Variants in BRINP3 observed in about 807,000 individuals in gnomAD.
The protein encoded by BRINP3 is BMP/retinoic acid inducible neural specific 3.
BRINP3 carries 19 observed loss-of-function variants against 71.0 expected under a neutral mutation model. That is an observed-to-expected ratio of 0.27 (90% CI 0.19 to 0.39). The LOEUF is 0.39. Among genes scored for constraint, BRINP3 ranks in the 10% least tolerant of loss-of-function variants. The pLI, the probability that BRINP3 is intolerant of heterozygous loss-of-function variation, is 1.00. For missense variants in BRINP3, 959 were observed against 940.8 expected, an observed-to-expected ratio of 1.02 and a Z score of -0.25; for synonymous variants, 380 against 337.7, an observed-to-expected ratio of 1.13 and a Z score of -1.37.
chr1:190,287,773 G>T (rs867883183), intron 2 of BRINP3, among the ~76,000 whole-genome samples: 1 of 152,032 alleles, frequency 6.6e-6, no homozygotes, highest in Non-Finnish European at 1.5e-5. Flanking sequence ...AGATGAAGGT[G>T]GGGCTATTGA....
chr1:190,153,509 T>C (rs979857034), intron 7 of BRINP3, among the ~76,000 whole-genome samples: 6 of 152,110 alleles, frequency 3.9e-5, no homozygotes, highest in African/African-American at 1.4e-4. Context: ...TTACTGAGTA[T>C]GTGCTTGTGA....
chr1:190,157,494 TA>T (rs1286678568), intron 7 of BRINP3, among the ~76,000 whole-genome samples: 2 of 152,008 alleles, frequency 1.3e-5, no homozygotes, highest in Non-Finnish European at 1.5e-5. Context: ...ATGTACTAGT[TA>T]AAAAGAACCC....
intron 6 of BRINP3, among the ~76,000 whole-genome samples, chr1:190,178,950 T>A (rs556449061): frequency 1.3e-5 from 2 of 152,212 alleles, no homozygotes; most frequent in South Asian, 4.1e-4. Flanking sequence ...TTGGTAGAAA[T>A]AACAATATAT....
intron 2 of BRINP3, among the ~76,000 whole-genome samples, chr1:190,390,637 G>A (rs935181139): frequency 6.6e-6 from 1 of 151,712 alleles, no homozygotes; most frequent in Non-Finnish European, 1.5e-5. Flanking sequence ...TCACACAGGA[G>A]GAAGAGAAAA....
intron 6 of BRINP3, among the ~76,000 whole-genome samples, chr1:190,180,965 T>C (rs918832462): frequency 2.6e-5 from 4 of 152,082 alleles, no homozygotes; most frequent in African/African-American, 4.8e-5. Context: ...GCATAATTTA[T>C]GTGTATAGTT....
chr1:190,265,434 G>A (rs573220626), intron 3 of BRINP3, among the ~76,000 whole-genome samples: 60 of 151,948 alleles, frequency 3.9e-4, no homozygotes, highest in African/African-American at 1.4e-3. Context: ...GGGCACGGTG[G>A]CTCACGCCTG....
chr1:190,401,999 A>G (rs1296983939), intron 2 of BRINP3, among the ~76,000 whole-genome samples: 1 of 151,962 alleles, frequency 6.6e-6, no homozygotes, highest in East Asian at 1.9e-4. Context: ...AACTATATAT[A>G]TATTTCATTA....
chr1:190,108,578 A>T (rs926219369), intron 7 of BRINP3, among the ~76,000 whole-genome samples: 1 of 150,260 alleles, frequency 6.7e-6, no homozygotes, highest in Non-Finnish European at 1.5e-5. Context: ...AATGTATAAA[A>T]TGACTGTTCT....
At chr1:190,459,916 C>T (rs980294601) in intron 1 of BRINP3, among the ~76,000 whole-genome samples, 7 of 151,456 alleles carry the variant, frequency 4.6e-5, no homozygotes, top group African/African-American at 1.5e-4. Flanking sequence ...TTTTTTCTAC[C>T]ATATTATCAC....
intron 1 of BRINP3, among the ~76,000 whole-genome samples, chr1:190,458,615 T>C (rs1384029600): frequency 6.6e-6 from 1 of 152,074 alleles, no homozygotes; most frequent in Non-Finnish European, 1.5e-5. Flanking sequence ...GTTATAACCA[T>C]ATTAATCCAT....
At chr1:190,118,400 A>C (rs1290262193) in intron 7 of BRINP3, among the ~76,000 whole-genome samples, 2 of 152,162 alleles carry the variant, frequency 1.3e-5, no homozygotes, top group Non-Finnish European at 2.9e-5. Flanking sequence ...ATTTTTAATA[A>C]ATAAATGTTT....
chr1:190,416,831 C>T (rs533969425), intron 2 of BRINP3, among the ~76,000 whole-genome samples: 20 of 152,142 alleles, frequency 1.3e-4, no homozygotes, highest in East Asian at 5.8e-4. Context: ...ACTCCAGAAC[C>T]GGAGTCTTTA....
chr1:190,327,845 T>A (rs571099934), intron 2 of BRINP3, among the ~76,000 whole-genome samples: 2 of 152,224 alleles, frequency 1.3e-5, no homozygotes, highest in African/African-American at 4.8e-5. Flanking sequence ...AACCACAGAA[T>A]ACACATTCTT....
At chr1:190,231,151 A>G (rs1657950200) in intron 5 of BRINP3, among the ~76,000 whole-genome samples, 1 of 151,746 alleles carries the variant, frequency 6.6e-6, no homozygotes, top group Admixed American at 6.6e-5. Context: ...GCTTTTTGAA[A>G]ACACATGGCT....
intron 2 of BRINP3, among the ~76,000 whole-genome samples, chr1:190,290,507 T>C (rs932381651): frequency 1.3e-5 from 2 of 152,268 alleles, no homozygotes; most frequent in South Asian, 4.1e-4. Flanking sequence ...TCCTATAAAC[T>C]TTAAAATGTA....
chr1:190,148,659 T>A (rs766652027), intron 7 of BRINP3, among the ~76,000 whole-genome samples: 19 of 151,208 alleles, frequency 1.3e-4, no homozygotes, highest in Non-Finnish European at 2.2e-4. Context: ...AAATTCTATC[T>A]CCTCATTCTT....
At chr1:190,435,496 C>G (rs1050044478) in intron 2 of BRINP3, among the ~76,000 whole-genome samples, 1 of 151,456 alleles carries the variant, frequency 6.6e-6, no homozygotes, top group South Asian at 2.1e-4. Flanking sequence ...AATAAGTGAA[C>G]AAATTAGGAA....
chr1:190,190,913 A>G (rs988102053), intron 6 of BRINP3, among the ~76,000 whole-genome samples: 3 of 152,176 alleles, frequency 2.0e-5, no homozygotes, highest in Non-Finnish European at 4.4e-5. Flanking sequence ...AATCTTTTAC[A>G]TATCAACTTC....
At chr1:190,476,417 C>G (rs184210390) in intron 1 of BRINP3, among the ~76,000 whole-genome samples, 61 of 152,146 alleles carry the variant, frequency 4.0e-4, no homozygotes, top group Non-Finnish European at 6.5e-4. Context: ...CCGATACATG[C>G]AGGTTTGGCA....
Sources: allele counts gnomAD v4.1 joint callset (sites outside exome capture counted in the v4.1 genomes callset), GRCh38; gene constraint gnomAD v4.1.1; transcripts MANE v1.5; gene names NCBI Gene and HGNC (gene_info 2026-07-23, HGNC 2026-07-21).